SCML4: variants seen among roughly 807,000 people sequenced by gnomAD.
SCML4 encodes the protein Scm polycomb group protein like 4.
Under a neutral mutation model 41.1 loss-of-function variants are expected in SCML4, and 34 were observed. The observed-to-expected ratio is 0.83, with a 90% CI of 0.63 to 1.10. The LOEUF (loss-of-function observed/expected upper bound fraction) is 1.10, where lower values mean the gene tolerates loss of function less well. Among genes scored for constraint, SCML4 ranks in the 50% least tolerant of loss-of-function variants. SCML4 has a pLI of 0.00. For synonymous variants in SCML4, 214 were observed against 220.9 expected (o/e 0.97, Z 0.28); for missense variants, 522 against 534.1 (o/e 0.98, Z 0.22).
intron 2 of SCML4, among the ~76,000 whole-genome samples, chr6:107,754,244 T>C (rs1778925562): frequency 6.6e-6 from 1 of 152,218 alleles, no homozygotes; most frequent in Non-Finnish European, 1.5e-5. Context: ...ATTCTGAGTG[T>C]CACATTTCAA....
intron 5 of SCML4, among the ~76,000 whole-genome samples, chr6:107,738,635 C>T (rs139239278): frequency 5.7e-4 from 86 of 151,998 alleles, no homozygotes; most frequent in Middle Eastern, 3.4e-3. Flanking sequence ...AAAAAAGGAT[C>T]GAGAGTTTAT....
At chr6:107,731,220 G>A (rs1343411025) in intron 5 of SCML4, among the ~76,000 whole-genome samples, 1 of 152,184 alleles carries the variant, frequency 6.6e-6, no homozygotes, top group Non-Finnish European at 1.5e-5. Context: ...AGATGCTCCT[G>A]ACCAAGTGTC....
rs193158348 is a variant in SCML4 at position 107,772,271 on chromosome 6, C to A, written c.57G>T (p.Thr19=). The part of the protein sequence containing the change: ...RKRGRPSLHS[T]PMKMAVHNLY... ...GGTTATGAACTGCCATCTTCATAGG[C>A]GTGGAGTGAAGTGAGGGTCGGCCTC... The change falls in exon 2 of 8, where the codon ACG becomes ACT. Residue 19 remains threonine, a synonymous_variant. Transcript: ENST00000369020. 3.2e-6 allele frequency: 5 copies of A among 1,551,718 alleles called. No homozygotes were observed. The Admixed American group carries it at 9.8e-5, about 30-fold the overall frequency.
intron 6 of SCML4, among the ~76,000 whole-genome samples, chr6:107,716,174 T>G (rs1319179892): frequency 6.6e-6 from 1 of 152,186 alleles, no homozygotes; most frequent in Non-Finnish European, 1.5e-5. Context: ...GCAAAGCACA[T>G]ATAGAACCCC....
chr6:107,705,260 C>G lies in SCML4; in HGVS notation c.1185G>C (p.Lys395Asn). The stretch of plus-strand genomic sequence containing the variant: ...AGCAGAGTTTCAGTGCAGGTCCCAG[C>G]TTCAGGCCCAGGTACTTCATGACCA... ...SDMVMKYLGL[K>N]LGPALKLCYH... The change falls in exon 8 of 8, where the codon AAG becomes AAC. Residue 395 changes from lysine (K) to asparagine (N), a missense_variant. Coordinates refer to ENST00000369020, the MANE Select transcript of SCML4 (RefSeq NM_198081.5). 6.4e-7 allele frequency: 1 copy of G among 1,551,568 alleles called. No individual in the cohort carries two copies. Among genetic ancestry groups the G allele is most frequent in the South Asian group, 1.2e-5 (1 of 84,060 alleles).
Position 107,707,868 on chromosome 6 carries a change from G to C in SCML4, c.1117C>G (p.His373Asp), listed in dbSNP as rs1773824104. The C allele has an allele frequency of 1.3e-6, 2 of 1,551,670 alleles. No individual in the cohort carries two copies. The highest frequency in any genetic ancestry group is 4.9e-5 in the East Asian group (2 of 40,908). ...GGTCAAACCCACCACTCGCATACGT[G>C]CTTTCTGAAGAGCTCCACGTGAGGC... The part of the protein sequence containing the change: ...LGPHVELFRK[H>D]EIDGNALLLL... The change falls in exon 7 of 8, where the codon CAC (histidine) becomes GAC (aspartate). Residue 373 changes from histidine (H) to aspartate (D), a missense_variant and splice_region_variant. Physicochemically the swap from His to Asp is moderately conservative, Grantham distance 81 (BLOSUM62 -1). Transcript: ENST00000369020.
intron 6 of SCML4, among the ~76,000 whole-genome samples, chr6:107,713,673 C>T (rs1351825084): frequency 6.6e-6 from 1 of 152,210 alleles, no homozygotes. Context: ...ACAGGAAGGT[C>T]ATTGTCTCCG....
At chr6:107,774,238 C>A (rs1780740565) in intron 1 of SCML4, among the ~76,000 whole-genome samples, 1 of 151,968 alleles carries the variant, frequency 6.6e-6, no homozygotes, top group African/African-American at 2.4e-5. Context: ...GCATATTTTT[C>A]ATATATTAAC....
At chr6:107,717,290 C>CA (rs11449697) in intron 6 of SCML4, among the ~76,000 whole-genome samples, 67,915 of 118,912 alleles carry the variant, frequency 0.57, 19,495 homozygotes, top group Middle Eastern at 0.67. Context: ...GACTCTGTCT[C>CA]AAAAAAAAAA....
At chr6:107,777,454 G>A (rs1435100239) in intron 1 of SCML4, among the ~76,000 whole-genome samples, 1 of 152,048 alleles carries the variant, frequency 6.6e-6, no homozygotes, top group Non-Finnish European at 1.5e-5. Context: ...TAGAAAAATA[G>A]GATAAAGAGA....
intron 1 of SCML4, among the ~76,000 whole-genome samples, chr6:107,815,811 G>A (rs920992749): frequency 1.3e-5 from 2 of 152,330 alleles, no homozygotes; most frequent in Non-Finnish European, 1.5e-5. Context: ...CCTCAGAATT[G>A]TAAACCAGGT....
intron 2 of SCML4, among the ~76,000 whole-genome samples, chr6:107,768,452 G>A (rs1780252200): frequency 6.6e-6 from 1 of 152,192 alleles, no homozygotes; most frequent in Admixed American, 6.5e-5. Context: ...AAGGATGATA[G>A]CCTTTCTAGA....
chr6:107,748,868 A>G (rs1397672120), intron 3 of SCML4, among the ~76,000 whole-genome samples: 8 of 152,110 alleles, frequency 5.3e-5, no homozygotes, highest in Admixed American at 4.6e-4. Flanking sequence ...TTGATCTGAG[A>G]TATAAGGGAG....
chr6:107,708,438 C>T (rs1240112510), intron 6 of SCML4, among the ~76,000 whole-genome samples: 1 of 152,182 alleles, frequency 6.6e-6, no homozygotes, highest in Non-Finnish European at 1.5e-5. Context: ...CTCATCGCGT[C>T]AGTGAGGCCA....
intron 1 of SCML4, among the ~76,000 whole-genome samples, chr6:107,802,484 G>C (rs1477755240): frequency 6.6e-6 from 1 of 151,826 alleles, no homozygotes; most frequent in Non-Finnish European, 1.5e-5. Context: ...GAGTGACAGA[G>C]GGAAGGCGGG....
At chr6:107,818,426 C>T (rs1299777920) in intron 1 of SCML4, among the ~76,000 whole-genome samples, 2 of 152,186 alleles carry the variant, frequency 1.3e-5, no homozygotes, top group Admixed American at 1.3e-4. Context: ...TCAATAAACC[C>T]AATGCATTGT....
chr6:107,771,203 T>A lies in SCML4; in HGVS notation c.156+969A>T, dbSNP rs118025759. On this transcript the variant is annotated intron_variant, in intron 2 of 7. Transcript: ENST00000369020. ...TATGGAGAACCAAAGGGATAAAGATTGAATTCATTACCAACTCTTCCAGAA... is the reference window on the plus strand; with the variant it reads ...TATGGAGAACCAAAGGGATAAAGATAGAATTCATTACCAACTCTTCCAGAA... Among the ~76,000 whole-genome samples the A allele has an allele frequency of 5.3e-3, 803 of 152,288 alleles. 5 individuals are homozygous for A. Among genetic ancestry groups the A allele is most frequent in the Non-Finnish European group, 7.5e-3 (508 of 68,016 alleles).
At chr6:107,823,804 G>A (rs1254389680) in intron 1 of SCML4, among the ~76,000 whole-genome samples, 2 of 152,038 alleles carry the variant, frequency 1.3e-5, no homozygotes, top group Non-Finnish European at 2.9e-5. Flanking sequence ...TTCACATTTG[G>A]AAAAAAATAA....
intron 1 of SCML4, among the ~76,000 whole-genome samples, chr6:107,818,704 C>T (rs1409684450): frequency 2.6e-5 from 4 of 152,248 alleles, no homozygotes; most frequent in Non-Finnish European, 5.9e-5. Context: ...AGCATGAATG[C>T]CCTGGAATAG....
Sources: gnomAD v4.1 joint callset for allele counts (sites outside exome capture counted in the v4.1 genomes callset) on GRCh38, gnomAD v4.1.1 for gene constraint, MANE v1.5 for transcripts, NCBI Gene and HGNC (gene_info 2026-07-23, HGNC 2026-07-21) for gene names.